Variants in RFX7 observed in about 807,000 individuals in gnomAD.
RFX7 encodes DNA-binding protein RFX7.
In RFX7, 26 loss-of-function variants were observed where a neutral mutation model predicts 111.8. The ratio of observed to expected loss-of-function variants is 0.23; its 90% CI spans 0.17 to 0.32. RFX7 has a LOEUF of 0.32. RFX7 is among the 10% of genes least tolerant of loss of function. The pLI is 1.00. For missense variants in RFX7, 1,573 were observed against 1,772.9 expected, an observed-to-expected ratio of 0.89 and a Z score of 2.02; for synonymous variants, 624 against 624.4, an observed-to-expected ratio of 1.00 and a Z score of 0.01.
intron 5 of RFX7, among the ~76,000 whole-genome samples, chr15:56,112,549 A>G (rs1299329306): frequency 2.6e-5 from 4 of 152,182 alleles, no homozygotes; most frequent in South Asian, 2.1e-4. Context: ...AACCATAAAA[A>G]TCCTAGAAGA....
intron 3 of RFX7, among the ~76,000 whole-genome samples, chr15:56,146,759 G>T (rs991635385): frequency 1.3e-5 from 2 of 152,088 alleles, no homozygotes; most frequent in East Asian, 3.8e-4. Flanking sequence ...ACTTGTAACT[G>T]TTCAATTACT....
intron 3 of RFX7, among the ~76,000 whole-genome samples, chr15:56,167,404 G>A (rs1376426080): frequency 2.0e-5 from 3 of 152,266 alleles, no homozygotes; most frequent in African/African-American, 7.2e-5. Flanking sequence ...AGGGGACTCG[G>A]TAATATAGAC....
intron 5 of RFX7, among the ~76,000 whole-genome samples, chr15:56,128,445 T>A (rs1029286557): frequency 6.6e-6 from 1 of 152,192 alleles, no homozygotes. Context: ...AATAATAATG[T>A]AATACACTAT....
At chr15:56,210,354 T>C (rs1299717766) in intron 2 of RFX7, among the ~76,000 whole-genome samples, 1 of 152,016 alleles carries the variant, frequency 6.6e-6, no homozygotes, top group African/African-American at 2.4e-5. Context: ...GAATAGACTA[T>C]TACACTTGAA....
intron 4 of RFX7, 127 bp downstream of exon 4, chr15:56,144,274 C>A: frequency 3.8e-6 from 1 of 264,048 alleles, no homozygotes. Flanking sequence ...ATTGTTTTGC[C>A]AGTATGTTTT....
chr15:56,162,530 C>T (rs1595979201), intron 3 of RFX7, among the ~76,000 whole-genome samples: 1 of 151,736 alleles, frequency 6.6e-6, no homozygotes, highest in African/African-American at 2.4e-5. Flanking sequence ...AATTTGAAAG[C>T]TAGCTGACAA....
At chr15:56,218,670 G>A (rs573459424) in intron 2 of RFX7, among the ~76,000 whole-genome samples, 5 of 152,194 alleles carry the variant, frequency 3.3e-5, no homozygotes, top group African/African-American at 9.6e-5. Context: ...CATGTGTAGC[G>A]AGCAACAAAG....
At chr15:56,141,504 A>G (rs545637474) in intron 5 of RFX7, among the ~76,000 whole-genome samples, 2 of 151,822 alleles carry the variant, frequency 1.3e-5, no homozygotes, top group African/African-American at 2.4e-5. Flanking sequence ...GGCAGAATCT[A>G]TTCTCTTGAT....
chr15:56,103,796 A>G (rs1399423943), intron 5 of RFX7, 126 bp from the exon 6 acceptor site: 11 of 626,194 alleles, frequency 1.8e-5, no homozygotes, highest in African/African-American at 5.5e-5. Context: ...ATTTGCCACA[A>G]TGTCTATGAT....
chr15:56,213,136 T>C (rs994317340), intron 2 of RFX7, among the ~76,000 whole-genome samples: 9 of 152,208 alleles, frequency 5.9e-5, no homozygotes, highest in African/African-American at 1.7e-4. Context: ...AACTTGCAAC[T>C]ACCATATGAC....
At chr15:56,179,761 AACACACACACACAC>A (rs58597217) in intron 2 of RFX7, among the ~76,000 whole-genome samples, 4,029 of 137,380 alleles carry the variant, frequency 0.029, 100 homozygotes, top group Middle Eastern at 0.063. Context: ...TCTCTGTCTC[AACACACACACACAC>A]ACACACACAC....
chr15:56,142,874 C>T lies in RFX7; in HGVS notation c.305G>A (p.Arg102Gln), dbSNP rs748061200. Residue 102 changes from arginine to glutamine, a missense_variant, in exon 5 of 10, where the codon CGG becomes CAG. Arg to Gln is a conservative substitution (Grantham distance 43). This residue lies in a region of RFX7 where 191 missense variants were observed against 194.2 expected (regional missense o/e 0.98). Coordinates refer to ENST00000559447, the MANE Select transcript of RFX7 (RefSeq NM_022841.7). ...KSDQNAMSSS[R>Q]AQQMHAFSWI... ...GGAAAAGGCATGCATTTGTTGTGCC[C>T]GACTAGATGACATGGCATTCTGATC... The T allele has an allele frequency of 1.1e-5, 17 of 1,613,334 alleles. No homozygotes were observed. The highest frequency in any genetic ancestry group is 1.7e-5 in the Admixed American group (1 of 59,908).
At position 56,107,834 on chromosome 15, in the gene RFX7, TA is replaced by T. The variant is rs560244761; in HGVS notation, c.402-4165del. On this transcript the variant is annotated intron_variant, in intron 5 of 9. Transcript: ENST00000559447. ...GCCACTGATCCCACAGATAAAACAA[TA>T]AAAAATGATAATAAACCAATAAAAA... Among the ~76,000 whole-genome samples the T allele has an allele frequency of 3.2e-3, 492 of 151,810 alleles. 7 individuals carry two copies. Among genetic ancestry groups the T allele is most frequent in the African/African-American group, 0.011 (472 of 41,384 alleles).
At chr15:56,097,936 A>C in intron 9 of RFX7, 145 bp downstream of exon 9, 1 of 655,900 alleles carries the variant, frequency 1.5e-6, no homozygotes, top group Non-Finnish European at 2.6e-6. Context: ...CCTGAATAAA[A>C]GACTGAAGGG....
chr15:56,198,700 CTG>C (rs1260594792), intron 2 of RFX7, among the ~76,000 whole-genome samples: 3 of 152,108 alleles, frequency 2.0e-5, no homozygotes, highest in African/African-American at 7.2e-5. Flanking sequence ...TTCAAACAAA[CTG>C]TAAATGTGAT....
chr15:56,116,408 A>C (rs2140953453), intron 5 of RFX7, among the ~76,000 whole-genome samples: 1 of 152,344 alleles, frequency 6.6e-6, no homozygotes, highest in South Asian at 2.1e-4. Flanking sequence ...GTTGCACTAC[A>C]ACATTTTTAA....
chr15:56,129,273 G>T (rs2042182893), intron 5 of RFX7, among the ~76,000 whole-genome samples: 1 of 151,936 alleles, frequency 6.6e-6, no homozygotes, highest in Non-Finnish European at 1.5e-5. Flanking sequence ...AACTGGGGAG[G>T]CTGAGGCAGA....
At chr15:56,231,406 T>C (rs1306179096) in intron 2 of RFX7, among the ~76,000 whole-genome samples, 2 of 152,158 alleles carry the variant, frequency 1.3e-5, no homozygotes, top group Admixed American at 6.5e-5. Context: ...TCGTCTTACA[T>C]GGTGGCAGAC....
chr15:56,095,027 T>G lies in RFX7; in HGVS notation c.2701A>C (p.Asn901His), dbSNP rs766014363. The part of the protein sequence containing the change: ...LVLMEQQMSM[N>H]NSHSYGNCLG... ...CAGTTGCCGTAAGAATGAGAATTGT[T>G]CATTGACATTTGCTGCTCCATAAGC... is the stretch of plus-strand genomic sequence containing the variant. Residue 901 changes from asparagine (N) to histidine (H), a missense_variant, in exon 10 of 10, where the codon AAC becomes CAC. Transcript: ENST00000559447. 2.3e-5 allele frequency: 37 copies of G among 1,613,838 alleles called. No homozygotes were observed. The highest frequency in any genetic ancestry group is 3.1e-5 in the Non-Finnish European group (37 of 1,179,878).
Sources: gnomAD v4.1 joint callset for allele counts (sites outside exome capture counted in the v4.1 genomes callset) on GRCh38, gnomAD v4.1.1 for gene constraint, gnomAD v4.1.1 regional missense constraint, MANE v1.5 for transcripts, NCBI Gene and HGNC (gene_info 2026-07-23, HGNC 2026-07-21) for gene names.